EXTL3: variants seen among roughly 807,000 people sequenced by gnomAD.
EXTL3 encodes the protein exostosin-like 3.
A neutral mutation model predicts 69.3 loss-of-function variants in EXTL3; 27 were observed. The ratio of observed to expected loss-of-function variants is 0.39; its 90% CI spans 0.29 to 0.54. EXTL3 has a LOEUF of 0.54. Among genes scored for constraint, EXTL3 ranks in the 20% least tolerant of loss-of-function variants. The pLI is 0.69. For missense variants in EXTL3, 1,003 were observed against 1,231.8 expected (o/e 0.81, Z 2.78); for synonymous variants, 511 against 499.4 (o/e 1.02, Z -0.31).
At chr8:28,736,417 C>T (rs954846529) in intron 4 of EXTL3, among the ~76,000 whole-genome samples, 1 of 152,214 alleles carries the variant, frequency 6.6e-6, no homozygotes, top group Non-Finnish European at 1.5e-5. Flanking sequence ...GGAGCTTAAA[C>T]GCTTTCAGTT....
At chr8:28,673,720 T>C (rs532759255) in intron 1 of EXTL3, among the ~76,000 whole-genome samples, 27 of 152,312 alleles carry the variant, frequency 1.8e-4, no homozygotes, top group African/African-American at 6.3e-4. Context: ...TCTATCTATA[T>C]ACAGGACCAG....
intron 3 of EXTL3, among the ~76,000 whole-genome samples, chr8:28,729,201 A>G (rs1479272507): frequency 6.7e-6 from 1 of 150,264 alleles, no homozygotes; most frequent in Non-Finnish European, 1.5e-5. Context: ...AGGCTGAGGC[A>G]GGAGGATCAC....
At chr8:28,687,757 G>A (rs960504804) in intron 1 of EXTL3, among the ~76,000 whole-genome samples, 1 of 152,150 alleles carries the variant, frequency 6.6e-6, no homozygotes, top group African/African-American at 2.4e-5. Flanking sequence ...AAGACTTAAT[G>A]AAAGAAAAGA....
At position 28,713,837 on chromosome 8, in the gene EXTL3, A is replaced by C. The variant is rs150431080; in HGVS notation, c.-476+287A>C. ...TTCTTTGTAATGGACAAAGTGACTCACACCATCATTTCCCTCCTCTCATTC... is the reference window on the plus strand; with the variant it reads ...TTCTTTGTAATGGACAAAGTGACTCCCACCATCATTTCCCTCCTCTCATTC... On this transcript the variant is annotated intron_variant, in intron 2 of 6. Coordinates refer to ENST00000220562, the MANE Select transcript of EXTL3 (RefSeq NM_001440.4). Among the ~76,000 whole-genome samples, 38 of 151,534 alleles carry C rather than the reference A, an allele frequency of 2.5e-4. No homozygotes were observed. The East Asian group carries it at 6.8e-3, about 27-fold the overall frequency.
At chr8:28,666,823 C>T (rs945140096) in intron 1 of EXTL3, among the ~76,000 whole-genome samples, 2 of 152,178 alleles carry the variant, frequency 1.3e-5, no homozygotes, top group African/African-American at 4.8e-5. Flanking sequence ...GATCTGCCTG[C>T]CTCGGCCTCT....
chr8:28,684,441 AT>A (rs1020864837), intron 1 of EXTL3, among the ~76,000 whole-genome samples: 4 of 152,010 alleles, frequency 2.6e-5, no homozygotes, highest in Non-Finnish European at 1.5e-5. Context: ...CTGTAAAAAT[AT>A]TTTTTTATTT....
At position 28,716,264 on chromosome 8, in the gene EXTL3, G is replaced by A. The variant is rs778434439; in HGVS notation, c.205G>A (p.Val69Met). ...EAGKRIFGPRVGNELCEVKHV... is the reference protein window; with the variant it reads ...EAGKRIFGPRMGNELCEVKHV... ...AGGCAAGCGGATTTTTGGTCCCCGG[G>A]TGGGGAACGAGCTGTGCGAGGTGAA... The change falls in exon 3 of 7, where the codon GTG becomes ATG. Residue 69 changes from valine (V) to methionine (M), a missense_variant. Around this residue, in one of 2 missense-constraint regions of EXTL3, gnomAD observed 742 missense variants for 815.4 expected, o/e 0.91. Coordinates refer to ENST00000220562, the MANE Select transcript of EXTL3 (RefSeq NM_001440.4). The surrounding 1 kb of genome is among the most constrained non-coding windows in gnomAD (Gnocchi z 7.1). The A allele has an allele frequency of 6.2e-7, 1 of 1,614,232 alleles. No individual in the cohort carries two copies. Among genetic ancestry groups the A allele is most frequent in the Non-Finnish European group, 8.5e-7 (1 of 1,180,040 alleles).
chr8:28,700,333 AAG>A (rs1800761041), upstream of EXTL3: 2 of 152,198 alleles, frequency 1.3e-5, no homozygotes, highest in South Asian at 4.1e-4. Context: ...TGGAGAGATG[AAG>A]AGTGTGCTCT....
At chr8:28,641,563 G>A (rs970468188) in intron 1 of EXTL3, among the ~76,000 whole-genome samples, 2 of 151,946 alleles carry the variant, frequency 1.3e-5, no homozygotes, top group Non-Finnish European at 2.9e-5. Context: ...TTCAACCTCC[G>A]CCTCCCGAGC....
At chr8:28,671,386 ACTCT>A (rs1208516861) in intron 1 of EXTL3, among the ~76,000 whole-genome samples, 3 of 131,312 alleles carry the variant, frequency 2.3e-5, no homozygotes, top group Non-Finnish European at 3.1e-5. Context: ...ATCTCTGCTC[ACTCT>A]CTCCTCCGCA....
upstream of EXTL3, among the ~76,000 whole-genome samples, chr8:28,698,746 C>T (rs1293094888): frequency 1.3e-5 from 2 of 152,188 alleles, no homozygotes; most frequent in Admixed American, 6.5e-5. Context: ...GTAATCCCAG[C>T]ACTTTGGGAG....
At chr8:28,714,879 T>G (rs1397095864) in intron 2 of EXTL3, among the ~76,000 whole-genome samples, 1 of 152,232 alleles carries the variant, frequency 6.6e-6, no homozygotes, top group African/African-American at 2.4e-5. Flanking sequence ...GAAACCAAGG[T>G]CTGATAGCAA....
rs1245039224 is a variant in EXTL3, at chr8:28,623,274, C to A, written c.-53+464C>A. On this transcript the variant is annotated intron_variant, in intron 1 of 6. Coordinates refer to the EXTL3 transcript ENST00000523149. The surrounding 1 kb of genome is among the most constrained non-coding windows in gnomAD (Gnocchi z 4.2). ...GGAGGCGCTGTCCCCGTGGGTAAGC[C>A]CGTGCCGTGGGTGCCCTCCAGTCCC... 6.6e-6 allele frequency among the ~76,000 whole-genome samples: 1 copy of A among 152,304 alleles called. No individual in the cohort carries two copies. The highest frequency in any genetic ancestry group is 2.1e-4 in the South Asian group (1 of 4,828).
intron 3 of EXTL3, among the ~76,000 whole-genome samples, chr8:28,718,460 A>G (rs542526284): frequency 2.2e-4 from 33 of 152,338 alleles, no homozygotes; most frequent in Admixed American, 2.2e-3. Flanking sequence ...TTTATATTCA[A>G]TATACAAAAC....
intron 1 of EXTL3, among the ~76,000 whole-genome samples, chr8:28,630,921 G>C (rs1345443657): frequency 6.6e-6 from 1 of 152,238 alleles, no homozygotes; most frequent in Non-Finnish European, 1.5e-5. Flanking sequence ...AGGTATATAG[G>C]AGACGCACAG....
chr8:28,731,357 G>A lies in EXTL3; in HGVS notation c.2276+7G>A, dbSNP rs779848278. On this transcript the variant is annotated splice_region_variant and intron_variant, in intron 4 of 6. Coordinates refer to ENST00000220562, the MANE Select transcript of EXTL3 (RefSeq NM_001440.4). ...AAATCATGTTTGGGTTCCGGTGAGA[G>A]ACTAATTTCCAATCAAAACTTTAGG... 1 of 1,614,198 alleles carries A rather than the reference G, an allele frequency of 6.2e-7. No homozygotes were observed. Among genetic ancestry groups the A allele is most frequent in the Non-Finnish European group, 8.5e-7 (1 of 1,180,012 alleles).
intron 1 of EXTL3, among the ~76,000 whole-genome samples, chr8:28,654,600 T>TA (rs1006977952): frequency 2.0e-5 from 3 of 152,034 alleles, no homozygotes; most frequent in Non-Finnish European, 2.9e-5. Context: ...AGTCTAGCTT[T>TA]AAAAAAAATC....
rs1226150527 is a variant in EXTL3, at chr8:28,716,491, G to A, written c.432G>A (p.Glu144=). The change falls in exon 3 of 7, where the codon GAG becomes GAA. Residue 144 remains glutamate (E), a synonymous_variant. Transcript: ENST00000220562. This position sits in a 1 kb window ranked among gnomAD's most constrained non-coding sequence, Gnocchi z 7.1. ...GCCAGACCGAGCATTCCTACAAGGA[G>A]CTCATGGCCCAGAACCAGCCCAAGC... ...VISQTEHSYK[E]LMAQNQPKLS... 6.2e-7 allele frequency: 1 copy of A among 1,613,952 alleles called. No homozygotes were observed. The highest frequency in any genetic ancestry group is 8.5e-7 in the Non-Finnish European group (1 of 1,180,032).
chr8:28,748,235 G>A (rs950792309), intron 6 of EXTL3, among the ~76,000 whole-genome samples: 4 of 152,046 alleles, frequency 2.6e-5, no homozygotes, highest in African/African-American at 7.2e-5. Flanking sequence ...GCCAGGTGTG[G>A]TGGCAGGCGC....
Sources: allele counts gnomAD v4.1 joint callset (sites outside exome capture counted in the v4.1 genomes callset), GRCh38; gene constraint gnomAD v4.1.1; regional missense constraint gnomAD v4.1.1; non-coding constraint Gnocchi (gnomAD v3.1); transcripts MANE v1.5; gene names NCBI Gene and HGNC (gene_info 2026-07-23, HGNC 2026-07-21).